The following CDON variants were observed in gnomAD, a reference collection of about 807,000 sequenced individuals.
The protein encoded by CDON is cell adhesion molecule-related/down-regulated by oncogenes.
CDON carries 73 observed loss-of-function variants against 120.9 expected under a neutral mutation model. The observed-to-expected ratio is 0.60, with a 90% CI of 0.50 to 0.73. The LOEUF (loss-of-function observed/expected upper bound fraction) is 0.73, where lower values mean the gene tolerates loss of function less well. Ranked by LOEUF, CDON falls within the 30% of genes least tolerant of loss-of-function variation. The pLI is 0.00. For missense variants in CDON, 1,470 were observed against 1,587.3 expected, an observed-to-expected ratio of 0.93 and a Z score of 1.26; for synonymous variants, 566 against 573.5, an observed-to-expected ratio of 0.99 and a Z score of 0.19.
intron 1 of CDON, among the ~76,000 whole-genome samples, chr11:126,037,205 G>A (rs773240976): frequency 4.0e-5 from 6 of 151,708 alleles, no homozygotes; most frequent in South Asian, 4.2e-4. Flanking sequence ...GGGTTCAGGC[G>A]ATCCTCCCAC....
At chr11:125,999,802 T>C (rs1946890083) in intron 11 of CDON, among the ~76,000 whole-genome samples, 1 of 152,164 alleles carries the variant, frequency 6.6e-6, no homozygotes, top group African/African-American at 2.4e-5. Context: ...TTCTCTAACA[T>C]CCTTTGGGGT....
At chr11:126,010,314 T>C (rs749946119) in intron 8 of CDON, 27 bp downstream of exon 8, 24 of 1,455,090 alleles carry the variant, frequency 1.6e-5, no homozygotes, top group Non-Finnish European at 1.6e-5. Context: ...ATTACTCAAC[T>C]AAAAATAAAT....
chr11:125,980,183 AAATCAAACTT>A (rs1946257485), intron 17 of CDON, among the ~76,000 whole-genome samples: 1 of 152,230 alleles, frequency 6.6e-6, no homozygotes, highest in African/African-American at 2.4e-5. Context: ...ACAATGTCAT[AAATCAAACTT>A]TCTAGTGCAG....
intron 14 of CDON, among the ~76,000 whole-genome samples, chr11:125,991,975 A>C (rs1440439884): frequency 6.6e-6 from 1 of 152,180 alleles, no homozygotes. Flanking sequence ...CAAAGATTTG[A>C]CTAGAGAATA....
intron 16 of CDON, among the ~76,000 whole-genome samples, chr11:125,982,579 GTTTAT>G (rs1946344974): frequency 6.6e-6 from 1 of 152,124 alleles, no homozygotes; most frequent in Non-Finnish European, 1.5e-5. Flanking sequence ...CAGAGGTGGT[GTTTAT>G]TTTATTTACC....
At chr11:126,045,826 C>T (rs553571725) in intron 1 of CDON, among the ~76,000 whole-genome samples, 4 of 152,048 alleles carry the variant, frequency 2.6e-5, no homozygotes, top group African/African-American at 9.6e-5. Context: ...CAAAATTAGC[C>T]GGGCGTGGTG....
chr11:126,061,987 G>A (rs1219499393), intron 1 of CDON, among the ~76,000 whole-genome samples: 1 of 152,184 alleles, frequency 6.6e-6, no homozygotes, highest in Non-Finnish European at 1.5e-5. Flanking sequence ...AGCAACAAAG[G>A]TCTGGAAGCT....
At chr11:125,985,171 TTTTA>T (rs1301871779) in intron 15 of CDON, among the ~76,000 whole-genome samples, 20 of 151,984 alleles carry the variant, frequency 1.3e-4, no homozygotes, top group African/African-American at 4.1e-4. Context: ...AAACCTCAGT[TTTTA>T]TTTATTTTTT....
At chr11:125,961,489 A>G (rs1042261673) in intron 19 of CDON, among the ~76,000 whole-genome samples, 1 of 152,240 alleles carries the variant, frequency 6.6e-6, no homozygotes, top group Non-Finnish European at 1.5e-5. Flanking sequence ...TAGATTTTCC[A>G]AAGTGTGATG....
At chr11:126,033,295 C>T (rs1247125766) in intron 1 of CDON, among the ~76,000 whole-genome samples, 1 of 151,940 alleles carries the variant, frequency 6.6e-6, no homozygotes, top group Non-Finnish European at 1.5e-5. Flanking sequence ...ACAAGAGGAG[C>T]TGGAGGTAAG....
At chr11:125,981,465 ATCT>A in intron 16 of CDON, 136 bp from the exon 17 acceptor site, 1 of 893,078 alleles carries the variant, frequency 1.1e-6, no homozygotes, top group Non-Finnish European at 1.7e-6. Context: ...AAAAAGGACA[ATCT>A]TCTTGCTGAG....
chr11:125,998,367 T>G (rs532600401), intron 11 of CDON, among the ~76,000 whole-genome samples: 2 of 152,282 alleles, frequency 1.3e-5, no homozygotes, highest in East Asian at 3.9e-4. Context: ...GCCCTCCCCA[T>G]GGTAGTAAGC....
At chr11:125,997,057 G>C (rs778897527) in intron 12 of CDON, 150 bp downstream of exon 12, 2 of 695,986 alleles carry the variant, frequency 2.9e-6, no homozygotes, top group East Asian at 5.6e-5. Flanking sequence ...AGTGCCTGTA[G>C]TCTCAGCTAC....
At position 125,958,561 on chromosome 11, in the gene CDON, A is replaced by ATGTGTGTGTGTGTGTG. The variant is rs886047954; in HGVS notation, c.*2380_*2381insCACACACACACACACA. The stretch of plus-strand genomic sequence containing the variant: ...TATAAAGGCAATTATATATATATAT[A>ATGTGTGTGTGTGTGTG]TATATGTGTGTGTGTGTGTGTGTGT... On this transcript the variant is annotated 3_prime_UTR_variant, in exon 20 of 20. Coordinates refer to ENST00000531738, the MANE Select transcript of CDON (RefSeq NM_001378964.1). 12 of 77,206 alleles carry ATGTGTGTGTGTGTGTG rather than the reference A, an allele frequency of 1.6e-4. No homozygotes were observed. The highest frequency in any genetic ancestry group is 1.0e-3 in the Admixed American group (7 of 7,034). The allele number at this position is 77,206 out of a possible 1,614,324, so 4.8% of individuals were successfully genotyped here.
In CDON at chr11:126,005,908, C is replaced by G. The variant is rs777327604; in HGVS notation, c.1702G>C (p.Glu568Gln). 6.2e-7 allele frequency: 1 copy of G among 1,614,134 alleles called. No homozygotes were observed. The highest frequency in any genetic ancestry group is 1.3e-5 in the African/African-American group (1 of 75,020). The change falls in exon 9 of 20, where the codon GAG becomes CAG. Residue 568 changes from glutamate to glutamine, a missense_variant. Coordinates refer to ENST00000531738, the MANE Select transcript of CDON (RefSeq NM_001378964.1). ...VHPSAVESAP[E>Q]KNASGISVPD... ...ACAGAGATGCCGCTGGCGTTTTTCT[C>G]TGGTGCTGATTCCACTGCACTGGGA...
intron 1 of CDON, among the ~76,000 whole-genome samples, chr11:126,045,028 T>A (rs554421145): frequency 0.019 from 2,012 of 107,774 alleles, 33 homozygotes; most frequent in African/African-American, 0.072. Context: ...TAATTTAAAA[T>A]ATATATATAG....
rs1947578648 is a variant in CDON at position 126,019,711 on chromosome 11, C to G, written c.404G>C (p.Ser135Thr). Residue 135 changes from serine (S) to threonine (T), a missense_variant, in exon 4 of 20, where the codon AGT (serine) becomes ACT (threonine). Coordinates refer to ENST00000531738, the MANE Select transcript of CDON (RefSeq NM_001378964.1). ...TACCCTGCAGCCAATGAAACCAGCA[C>G]TTTTTTCTTCTGCTGTAATAACATG... Reference protein sequence around the residue: ...TKHVITAEEKSAGFIGCRVPE... With the variant: ...TKHVITAEEKTAGFIGCRVPE... The G allele has an allele frequency of 6.2e-7, 1 of 1,613,926 alleles. No individual in the cohort carries two copies.
At chr11:125,978,864 G>T (rs1486756284) in intron 17 of CDON, among the ~76,000 whole-genome samples, 2 of 152,154 alleles carry the variant, frequency 1.3e-5, no homozygotes, top group Non-Finnish European at 2.9e-5. Context: ...ATTTCAATTA[G>T]GTCTGTTCAC....
At chr11:126,058,963 T>C (rs969451567) in intron 1 of CDON, among the ~76,000 whole-genome samples, 6 of 152,174 alleles carry the variant, frequency 3.9e-5, no homozygotes, top group Non-Finnish European at 8.8e-5. Flanking sequence ...AATGATACAA[T>C]TCTTAAAAAG....
Sources: gnomAD v4.1 joint callset for allele counts (sites outside exome capture counted in the v4.1 genomes callset) on GRCh38, gnomAD v4.1.1 for gene constraint, MANE v1.5 for transcripts, NCBI Gene and HGNC (gene_info 2026-07-23, HGNC 2026-07-21) for gene names.